Variants in KLHL29 observed in about 807,000 individuals in gnomAD.
KLHL29 encodes kelch-like protein 29.
KLHL29 carries 21 observed loss-of-function variants against 80.4 expected under a neutral mutation model. That is an observed-to-expected ratio of 0.26 (90% CI 0.19 to 0.38). The LOEUF is 0.38. Among genes scored for constraint, KLHL29 ranks in the 10% least tolerant of loss-of-function variants. The probability of loss-of-function intolerance (pLI) is 1.00; values close to 1 mark genes in which losing one functional copy is unlikely to be tolerated. For synonymous variants in KLHL29, 511 were observed against 526.8 expected, an observed-to-expected ratio of 0.97 and a Z score of 0.41; for missense variants, 867 against 1,223.9, an observed-to-expected ratio of 0.71 and a Z score of 4.35.
At chr2:23,452,365 C>T (rs1199750699) in intron 1 of KLHL29, among the ~76,000 whole-genome samples, 2 of 151,950 alleles carry the variant, frequency 1.3e-5, no homozygotes, top group Admixed American at 1.3e-4. Flanking sequence ...ACTCACTCAT[C>T]ACCAAGGGGA....
intron 11 of KLHL29, chr2:23,697,384 T>A (rs773103850): frequency 2.0e-5 from 3 of 152,256 alleles, no homozygotes; most frequent in Non-Finnish European, 2.9e-5. Flanking sequence ...AACTAGTGCC[T>A]GGAGGGTAAC....
chr2:23,548,374 G>GACACACAGAC (rs1393357597), intron 2 of KLHL29, among the ~76,000 whole-genome samples: 1 of 150,772 alleles, frequency 6.6e-6, no homozygotes, highest in African/African-American at 2.4e-5. Flanking sequence ...GGCACACACA[G>GACACACAGAC]ACACACAGAC....
At chr2:23,698,102 T>C (rs2551355) in intron 11 of KLHL29, among the ~76,000 whole-genome samples, 22,506 of 152,224 alleles carry the variant, frequency 0.15, 2,115 homozygotes, top group Non-Finnish European at 0.2. Context: ...CTGGAGCAGT[T>C]CTCCAAGACC....
intron 1 of KLHL29, among the ~76,000 whole-genome samples, chr2:23,471,669 A>C (rs1220200824): frequency 6.6e-6 from 1 of 152,100 alleles, no homozygotes; most frequent in Non-Finnish European, 1.5e-5. Flanking sequence ...AGCTTTTACG[A>C]TTTGTTTTCC....
intron 1 of KLHL29, among the ~76,000 whole-genome samples, chr2:23,388,822 T>C (rs779176931): frequency 7.2e-5 from 11 of 152,090 alleles, no homozygotes; most frequent in Non-Finnish European, 1.3e-4. Context: ...GCATCTCATT[T>C]GATATGTATG....
At chr2:23,474,711 A>ATTCCC (rs1281500003) in intron 1 of KLHL29, among the ~76,000 whole-genome samples, 2 of 152,184 alleles carry the variant, frequency 1.3e-5, no homozygotes, top group Non-Finnish European at 2.9e-5. Flanking sequence ...AGGCAGAATG[A>ATTCCC]GTTTACAATA....
At chr2:23,706,407 C>A in intron 13 of KLHL29, 74 bp from the exon 14 acceptor site, 1 of 1,213,664 alleles carries the variant, frequency 8.2e-7, no homozygotes, top group Non-Finnish European at 1.1e-6. Context: ...CAACAGGACA[C>A]GACGTTGAGA....
At chr2:23,701,869 T>G (rs1253634585) in intron 11 of KLHL29, among the ~76,000 whole-genome samples, 1 of 145,806 alleles carries the variant, frequency 6.9e-6, no homozygotes, top group African/African-American at 2.5e-5. Flanking sequence ...GGCGCGATCT[T>G]GGCTCACCGC....
intron 3 of KLHL29, among the ~76,000 whole-genome samples, chr2:23,607,305 A>C (rs1458313043): frequency 6.6e-6 from 1 of 152,128 alleles, no homozygotes; most frequent in East Asian, 1.9e-4. Flanking sequence ...AGGAGCTCAG[A>C]GATCAGCTGG....
At chr2:23,620,085 A>C (rs925350136) in intron 3 of KLHL29, among the ~76,000 whole-genome samples, 1 of 152,112 alleles carries the variant, frequency 6.6e-6, no homozygotes, top group African/African-American at 2.4e-5. Flanking sequence ...TGAGTCCCTG[A>C]GGATAAGATG....
intron 2 of KLHL29, among the ~76,000 whole-genome samples, chr2:23,497,934 G>A (rs1653752): frequency 0.38 from 57,687 of 152,064 alleles, 11,429 homozygotes; most frequent in Non-Finnish European, 0.43. Flanking sequence ...CTACGGGAAG[G>A]GCTGACTCAA....
intron 1 of KLHL29, among the ~76,000 whole-genome samples, chr2:23,452,309 A>G (rs763456): frequency 0.2 from 29,927 of 151,696 alleles, 4,306 homozygotes; most frequent in African/African-American, 0.4. Flanking sequence ...GGTGTGAGCC[A>G]TCATGCCTTA....
chr2:23,425,425 A>G (rs1283702083), intron 1 of KLHL29, among the ~76,000 whole-genome samples: 1 of 152,202 alleles, frequency 6.6e-6, no homozygotes, highest in African/African-American at 2.4e-5. Flanking sequence ...GGGCGCCAGC[A>G]AATACCTCTC....
At chr2:23,393,008 G>A (rs996629306) in intron 1 of KLHL29, among the ~76,000 whole-genome samples, 9 of 152,308 alleles carry the variant, frequency 5.9e-5, no homozygotes, top group African/African-American at 2.2e-4. Context: ...TGTTTGAATG[G>A]CGTCTGTTTC....
chr2:23,515,455 C>CA (rs1182302553), intron 2 of KLHL29, among the ~76,000 whole-genome samples: 1 of 152,254 alleles, frequency 6.6e-6, no homozygotes, highest in African/African-American at 2.4e-5. Flanking sequence ...TTGGCTCAGG[C>CA]ACCACCTCCT....
intron 3 of KLHL29, among the ~76,000 whole-genome samples, chr2:23,631,946 C>T (rs1055581894): frequency 2.0e-5 from 3 of 152,212 alleles, no homozygotes; most frequent in Non-Finnish European, 4.4e-5. Flanking sequence ...AACGCAAAGA[C>T]TTTCATTGAT....
At position 23,703,744 on chromosome 2, in the gene KLHL29, G is replaced by A. The variant is rs768204340; in HGVS notation, c.2325G>A (p.Thr775=). The change falls in exon 13 of 14, where the codon ACG becomes ACA. Residue 775 remains threonine (T), a synonymous_variant. Transcript: ENST00000486442. ...MIDNKYAPAV[T]LNGFVFILGG... Reference sequence around the variant, plus strand: ...ACAACAAGTATGCCCCCGCTGTCACGCTCAATGGCTTCGTTTTCATCCTGG... The same window carrying A: ...ACAACAAGTATGCCCCCGCTGTCACACTCAATGGCTTCGTTTTCATCCTGG... The A allele has an allele frequency of 2.1e-5, 32 of 1,536,968 alleles. No homozygotes were observed. Among genetic ancestry groups the A allele is most frequent in the South Asian group, 7.1e-5 (6 of 84,040 alleles).
At chr2:23,554,004 G>A (rs1391285986) in intron 2 of KLHL29, among the ~76,000 whole-genome samples, 2 of 152,188 alleles carry the variant, frequency 1.3e-5, no homozygotes, top group Non-Finnish European at 2.9e-5. Flanking sequence ...AGGCCAGTGT[G>A]GGACTCACCC....
chr2:23,424,864 G>C (rs181777040), intron 1 of KLHL29, among the ~76,000 whole-genome samples: 6 of 152,096 alleles, frequency 3.9e-5, no homozygotes, highest in African/African-American at 1.4e-4. Context: ...TTTTCCTTAC[G>C]CTCAAAAATG....
Sources: allele counts gnomAD v4.1 joint callset (sites outside exome capture counted in the v4.1 genomes callset), GRCh38; gene constraint gnomAD v4.1.1; transcripts MANE v1.5; gene names NCBI Gene and HGNC (gene_info 2026-07-23, HGNC 2026-07-21).